INPP4B: variants seen among roughly 807,000 people sequenced by gnomAD.
INPP4B encodes inositol polyphosphate-4-phosphatase type II B.
In INPP4B, 55 loss-of-function variants were observed where a neutral mutation model predicts 122.5. The ratio of observed to expected loss-of-function variants is 0.45; its 90% CI spans 0.36 to 0.56. INPP4B has a LOEUF of 0.56. Ranked by LOEUF, INPP4B falls within the 20% of genes least tolerant of loss-of-function variation. INPP4B has a pLI of 0.00. For missense variants in INPP4B, 1,000 were observed against 1,097.7 expected (o/e 0.91, Z 1.26); for synonymous variants, 403 against 388.7 (o/e 1.04, Z -0.43).
chr4:142,525,457 C>G (rs1826775294), intron 2 of INPP4B, among the ~76,000 whole-genome samples: 1 of 109,430 alleles, frequency 9.1e-6, no homozygotes, highest in African/African-American at 3.0e-5. Context: ...AAGAACAAAG[C>G]TGGAGGCATC....
At chr4:142,238,038 T>A (rs779774457) in intron 11 of INPP4B, 27 bp from the exon 12 acceptor site, 1 of 1,262,164 alleles carries the variant, frequency 7.9e-7, no homozygotes, top group East Asian at 2.4e-5. Context: ...AAAATAATAG[T>A]TAAATTCTAA....
intron 23 of INPP4B, among the ~76,000 whole-genome samples, chr4:142,103,804 A>AAC (rs138777974): frequency 1.4e-3 from 213 of 151,696 alleles, no homozygotes; most frequent in African/African-American, 4.6e-3. Flanking sequence ...ATTGTTCATA[A>AAC]ACACACACAC....
Position 142,086,273 on chromosome 4 carries a change from A to C in INPP4B, c.2375-17T>G, listed in dbSNP as rs779619162. 7.7e-7 allele frequency: 1 copy of C among 1,295,976 alleles called. No homozygotes were observed. The allele number at this position is 1,295,976 out of a possible 1,614,324, so 80.3% of individuals were successfully genotyped here. A position where few individuals can be genotyped will look rare whatever the true frequency, so the allele number is the denominator to read the frequency against. ...GTGAAATATCTGAAGGGGAAAAAAC[A>C]AAGGAGAAAAATAAAATGAGACAGT... On this transcript the variant is annotated splice_polypyrimidine_tract_variant and intron_variant, in intron 23 of 25. Transcript: ENST00000262992.
chr4:142,475,045 A>T (rs922904602), intron 2 of INPP4B, among the ~76,000 whole-genome samples: 1 of 152,206 alleles, frequency 6.6e-6, no homozygotes, highest in Non-Finnish European at 1.5e-5. Flanking sequence ...TCTCCCAGGA[A>T]GCACAACTAC....
At chr4:142,774,793 C>A (rs1773599360) in intron 1 of INPP4B, among the ~76,000 whole-genome samples, 1 of 152,048 alleles carries the variant, frequency 6.6e-6, no homozygotes, top group Non-Finnish European at 1.5e-5. Flanking sequence ...ATATACCTTG[C>A]ACATGCAGTT....
intron 23 of INPP4B, among the ~76,000 whole-genome samples, chr4:142,093,648 G>A (rs978900111): frequency 1.3e-5 from 2 of 152,120 alleles, no homozygotes; most frequent in Non-Finnish European, 2.9e-5. Context: ...AAGCCATTGA[G>A]ATATCTTAAA....
At chr4:142,072,055 C>T (rs543597709) in intron 25 of INPP4B, among the ~76,000 whole-genome samples, 5 of 152,210 alleles carry the variant, frequency 3.3e-5, no homozygotes, top group South Asian at 2.1e-4. Flanking sequence ...TATTGTGGCA[C>T]CATTCACAAT....
chr4:142,769,336 G>C (rs1772658715), intron 1 of INPP4B, among the ~76,000 whole-genome samples: 1 of 152,158 alleles, frequency 6.6e-6, no homozygotes, highest in African/African-American at 2.4e-5. Flanking sequence ...GGCACAGAGA[G>C]GTCCCCACGA....
At chr4:142,584,347 T>C (rs1405064624) in intron 2 of INPP4B, among the ~76,000 whole-genome samples, 1 of 152,166 alleles carries the variant, frequency 6.6e-6, no homozygotes, top group Admixed American at 6.6e-5. Context: ...ATTATTATTA[T>C]CTAAAGTTCA....
rs1484013802 is a variant in INPP4B, at chr4:142,068,785, T to C, written c.2642+13246A>G. Among the ~76,000 whole-genome samples the C allele has an allele frequency of 2.0e-5, 3 of 152,170 alleles. No homozygotes were observed. In the East Asian group the frequency reaches 5.8e-4, roughly 29 times the overall value. On this transcript the variant is annotated intron_variant, in intron 25 of 25. Transcript: ENST00000262992. ...TCAATTCAACAAGAAGAGCTAACTA[T>C]CTTAAATATATATGCACCCAATACA...
chr4:142,510,636 A>T (rs976008842), intron 2 of INPP4B, among the ~76,000 whole-genome samples: 4 of 152,154 alleles, frequency 2.6e-5, no homozygotes, highest in African/African-American at 9.6e-5. Flanking sequence ...CATTTTCATC[A>T]CCTACGTATT....
intron 18 of INPP4B, among the ~76,000 whole-genome samples, chr4:142,142,128 A>T (rs1271900759): frequency 6.6e-6 from 1 of 152,094 alleles, no homozygotes; most frequent in Non-Finnish European, 1.5e-5. Flanking sequence ...ATATGTCTCA[A>T]ATTGCTTGCC....
intron 2 of INPP4B, among the ~76,000 whole-genome samples, chr4:142,640,235 T>C (rs1320029885): frequency 6.6e-6 from 1 of 151,774 alleles, no homozygotes; most frequent in Non-Finnish European, 1.5e-5. Context: ...TGCAAAGAAA[T>C]AACCAAAATG....
rs967378637 is a variant in INPP4B at position 142,023,839 on chromosome 4, C to T, written c.*4943G>A. ...TAGGTCTTCCTTCCCTTGGTACTCA[C>T]TCTCTGTGGGTACCATACTCAATTG... On this transcript the variant is annotated 3_prime_UTR_variant, in exon 26 of 26. Transcript: ENST00000262992. 7.9e-5 allele frequency: 12 copies of T among 152,088 alleles called. 1 individual carries two copies. The highest frequency in any genetic ancestry group is 5.9e-4 in the Admixed American group (9 of 15,264). The allele number at this position is 152,088 out of a possible 1,614,324, so 9.4% of individuals were successfully genotyped here. A position where few individuals can be genotyped will look rare whatever the true frequency, so the allele number is the denominator to read the frequency against.
chr4:142,069,098 C>A (rs1173649829), intron 25 of INPP4B, among the ~76,000 whole-genome samples: 3 of 152,136 alleles, frequency 2.0e-5, no homozygotes, highest in Non-Finnish European at 4.4e-5. Context: ...CACTCCTCAG[C>A]AAATGTAAAA....
chr4:142,357,178 T>A (rs1180380251), intron 7 of INPP4B, among the ~76,000 whole-genome samples: 1 of 152,004 alleles, frequency 6.6e-6, no homozygotes, highest in Non-Finnish European at 1.5e-5. Flanking sequence ...TAGGAAATTA[T>A]CCAACACTAG....
rs916689854 is a variant in INPP4B at position 142,333,038 on chromosome 4, A to C, written c.373-18276T>G. On this transcript the variant is annotated intron_variant, in intron 7 of 25. Transcript: ENST00000262992. ...AAAAAAAAAAAAAAACAAAAAAAAAACCTTCTAAAACCGCAGACATGCAAT... is the reference window on the plus strand; with the variant it reads ...AAAAAAAAAAAAAAACAAAAAAAAACCCTTCTAAAACCGCAGACATGCAAT... 1.3e-4 allele frequency among the ~76,000 whole-genome samples: 20 copies of C among 150,862 alleles called. 1 individual carries two copies. The South Asian group carries it at 4.0e-3, about 30-fold the overall frequency.
Position 142,234,348 on chromosome 4 carries a change from T to C in INPP4B, c.836+3516A>G, listed in dbSNP as rs148917758. ...TTTTCTGCTGGCTCTGTGGATTTAATGTGGCCACTGCATTTTAAAATTTCA... is the reference window on the plus strand; with the variant it reads ...TTTTCTGCTGGCTCTGTGGATTTAACGTGGCCACTGCATTTTAAAATTTCA... On this transcript the variant is annotated intron_variant, in intron 12 of 25. Coordinates refer to ENST00000262992, the MANE Select transcript of INPP4B (RefSeq NM_001101669.3). Among the ~76,000 whole-genome samples the C allele has an allele frequency of 4.2e-3, 639 of 152,340 alleles. 1 individual carries two copies. Among genetic ancestry groups the C allele is most frequent in the African/African-American group, 0.014 (593 of 41,582 alleles).
intron 16 of INPP4B, among the ~76,000 whole-genome samples, chr4:142,169,973 ACGTG>A: frequency 6.6e-6 from 1 of 151,738 alleles, no homozygotes; most frequent in Non-Finnish European, 1.5e-5. Flanking sequence ...TATGAGAGAT[ACGTG>A]AACACTGTCC....
Sources: allele counts gnomAD v4.1 joint callset (sites outside exome capture counted in the v4.1 genomes callset), GRCh38; gene constraint gnomAD v4.1.1; transcripts MANE v1.5; gene names NCBI Gene and HGNC (gene_info 2026-07-23, HGNC 2026-07-21).